The following UGT1A6 variants were observed in gnomAD, a reference collection of about 807,000 sequenced individuals.
UGT1A6 encodes the protein UDP glucuronosyltransferase family 1 member A6.
UGT1A6 carries 32 observed loss-of-function variants against 44.4 expected under a neutral mutation model. The ratio of observed to expected loss-of-function variants is 0.72; its 90% CI spans 0.54 to 0.97. UGT1A6 has a LOEUF of 0.97. Among genes scored for constraint, UGT1A6 ranks in the 50% least tolerant of loss-of-function variants. The pLI is 0.00. For synonymous variants in UGT1A6, 238 were observed against 248.5 expected (o/e 0.96, Z 0.40); for missense variants, 685 against 661.9 (o/e 1.03, Z -0.38).
At chr2:233,750,498 C>T (rs1361187436) in intron 1 of UGT1A6, 1 of 151,938 alleles carries the variant, frequency 6.6e-6, no homozygotes, top group Non-Finnish European at 1.5e-5. Flanking sequence ...TAAGGAGGAG[C>T]CAAATGTTAA....
intron 1 of UGT1A6, chr2:233,747,993 T>G: frequency 6.2e-7 from 1 of 1,613,560 alleles, no homozygotes; most frequent in Non-Finnish European, 8.5e-7. Context: ...CCGAGGGGAC[T>G]TTGTGATGGA....
chr2:233,761,189 T>C (rs763009411), intron 1 of UGT1A6: 1 of 1,614,202 alleles, frequency 6.2e-7, no homozygotes, highest in South Asian at 1.1e-5. Context: ...GCGTATATTC[T>C]TTCAGATGTA....
intron 1 of UGT1A6, chr2:233,722,095 C>CCTG: frequency 9.6e-6 from 2 of 207,736 alleles, no homozygotes; most frequent in South Asian, 8.3e-5. Context: ...CACCTTAGGC[C>CCTG]TCTTAGAGGA....
intron 1 of UGT1A6, chr2:233,708,321 T>C (rs2076012583): frequency 6.6e-6 from 1 of 152,220 alleles, no homozygotes; most frequent in Non-Finnish European, 1.5e-5. Context: ...AGGTAAAAAA[T>C]ATCTCAAGGT....
Position 233,759,652 on chromosome 2 carries a change from C to T in UGT1A6, c.862-7382C>T, listed in dbSNP as rs35665780. Among the ~76,000 whole-genome samples the T allele has an allele frequency of 2.9e-3, 358 of 121,974 alleles. 3 individuals are homozygous for T. Among genetic ancestry groups the T allele is most frequent in the Middle Eastern group, 0.024 (3 of 124 alleles). The allele number at this position is 121,974 out of a possible 152,430, so 80.0% of individuals were successfully genotyped here. A position where few individuals can be genotyped will look rare whatever the true frequency, so the allele number is the denominator to read the frequency against. On this transcript the variant is annotated intron_variant, in intron 1 of 4. Coordinates refer to ENST00000305139, the MANE Select transcript of UGT1A6 (RefSeq NM_001072.4). The stretch of plus-strand genomic sequence containing the variant: ...TCCTTCTTAGCATGCTTCACGATTT[C>T]TAAGTTCCTGCTCATGTGTTTAAAT...
At chr2:233,754,654 T>C (rs1182813950) in intron 1 of UGT1A6, 3 of 457,300 alleles carry the variant, frequency 6.6e-6, no homozygotes, top group Admixed American at 4.9e-5. Context: ...TCAATGATTC[T>C]CTTGGTGGTG....
intron 1 of UGT1A6, among the ~76,000 whole-genome samples, chr2:233,695,593 C>G (rs1462194089): frequency 1.3e-5 from 2 of 151,798 alleles, no homozygotes; most frequent in Non-Finnish European, 2.9e-5. Flanking sequence ...CCCTTTCCAC[C>G]TTCTGGTAAT....
rs1699915243 is a variant in UGT1A6, at chr2:233,769,658, C to T, written c.1301+1219C>T. On this transcript the variant is annotated intron_variant, in intron 4 of 4. Coordinates refer to ENST00000305139, the MANE Select transcript of UGT1A6 (RefSeq NM_001072.4). The surrounding 1 kb of genome is among the most constrained non-coding windows in gnomAD (Gnocchi z 4.4). ...GGAGGACTGATGACTGACTTCCCAC[C>T]TTTGAGGTGCTAATGTGTGTGTGGT... 2 of 1,600,404 alleles carry T rather than the reference C, an allele frequency of 1.2e-6. No individual in the cohort carries two copies. The highest frequency in any genetic ancestry group is 2.7e-5 in the African/African-American group (2 of 74,670).
intron 1 of UGT1A6, among the ~76,000 whole-genome samples, chr2:233,699,092 C>CACCT (rs2075484389): frequency 6.6e-6 from 1 of 152,232 alleles, no homozygotes; most frequent in African/African-American, 2.4e-5. Context: ...TAGCCCTGTG[C>CACCT]ACCTCATCAC....
At chr2:233,722,847 T>TATGAAGACACTACTTAAAAAA (rs1484611213) in intron 1 of UGT1A6, among the ~76,000 whole-genome samples, 1 of 139,226 alleles carries the variant, frequency 7.2e-6, no homozygotes, top group Non-Finnish European at 1.5e-5. Context: ...GAATGTTTCT[T>TATGAAGACACTACTTAAAAAA]TTTTTTTTTT....
At chr2:233,767,785 G>C (rs1699483415) in intron 2 of UGT1A6, 64 bp from the exon 3 acceptor site, 2 of 1,613,510 alleles carry the variant, frequency 1.2e-6, no homozygotes, top group Non-Finnish European at 1.7e-6. Flanking sequence ...AGTTAGTATA[G>C]CAGATTTGTT....
At chr2:233,766,979 T>C in intron 1 of UGT1A6, 55 bp from the exon 2 acceptor site, 1 of 1,612,672 alleles carries the variant, frequency 6.2e-7, no homozygotes, top group Non-Finnish European at 8.5e-7. Flanking sequence ...TTACTGTATG[T>C]AGTCATCAAA....
intron 1 of UGT1A6, chr2:233,743,008 TACA>T (rs1692158299): frequency 4.2e-6 from 1 of 239,364 alleles, no homozygotes; most frequent in Admixed American, 5.1e-5. Context: ...ACAGATATTT[TACA>T]ACGATTGAAA....
chr2:233,719,860 C>G (rs995167263), intron 1 of UGT1A6, among the ~76,000 whole-genome samples: 4 of 152,118 alleles, frequency 2.6e-5, no homozygotes, highest in African/African-American at 9.7e-5. Flanking sequence ...TCAGTGGTCA[C>G]TGAGAGGAAG....
intron 4 of UGT1A6, among the ~76,000 whole-genome samples, chr2:233,768,740 G>A (rs6431630): frequency 0.18 from 26,721 of 151,438 alleles, 3,378 homozygotes; most frequent in African/African-American, 0.35. Context: ...CCACCACCAC[G>A]CCCGGTTAAT....
At chr2:233,709,291 T>C (rs1460116182) in intron 1 of UGT1A6, among the ~76,000 whole-genome samples, 1 of 152,202 alleles carries the variant, frequency 6.6e-6, no homozygotes, top group Non-Finnish European at 1.5e-5. Context: ...CTTCAATTAA[T>C]GATATTTTCT....
At position 233,764,014 on chromosome 2, in the gene UGT1A6, A is replaced by G. The variant is rs28900399; in HGVS notation, c.862-3020A>G. On this transcript the variant is annotated intron_variant, in intron 1 of 4. Transcript: ENST00000305139. ...GATGGTGAAGTCACAGATGACCCACATGGTGTCTAAGTGCTAAAGAAGAAT... is the reference window on the plus strand; with the variant it reads ...GATGGTGAAGTCACAGATGACCCACGTGGTGTCTAAGTGCTAAAGAAGAAT... Among the ~76,000 whole-genome samples the G allele has an allele frequency of 9.6e-3, 1,456 of 152,328 alleles. 29 individuals are homozygous for G. The highest frequency in any genetic ancestry group is 0.033 in the African/African-American group (1,365 of 41,562).
rs909741702 is a variant in UGT1A6, at chr2:233,769,798, T to C, written c.1301+1359T>C. On this transcript the variant is annotated intron_variant, in intron 4 of 4. Coordinates refer to ENST00000305139, the MANE Select transcript of UGT1A6 (RefSeq NM_001072.4). This position sits in a 1 kb window ranked among gnomAD's most constrained non-coding sequence, Gnocchi z 4.4. ...TGAGCCCAGAAGTTGGAGGCTGCTA[T>C]GAGCCGTGATCATGCCACTGCACTC... The C allele has an allele frequency of 8.3e-7, 1 of 1,206,032 alleles. No homozygotes were observed. The highest frequency in any genetic ancestry group is 1.6e-5 in the African/African-American group (1 of 64,426). 74.7% of individuals were successfully genotyped at this position (1,206,032 alleles called of 1,614,324 possible). A position where few individuals can be genotyped will look rare whatever the true frequency, so the allele number is the denominator to read the frequency against.
chr2:233,757,535 A>AATATATATACATATACATATATACAT (rs376887521), intron 1 of UGT1A6, among the ~76,000 whole-genome samples: 3 of 88,312 alleles, frequency 3.4e-5, no homozygotes, highest in African/African-American at 1.5e-4. Context: ...GCCTGTAAGG[A>AATATATATACATATACATATATACAT]ATATATATAT....
Sources: allele counts gnomAD v4.1 joint callset (sites outside exome capture counted in the v4.1 genomes callset), GRCh38; gene constraint gnomAD v4.1.1; non-coding constraint Gnocchi (gnomAD v3.1); transcripts MANE v1.5; gene names NCBI Gene and HGNC (gene_info 2026-07-23, HGNC 2026-07-21).